The following TBC1D30 variants were observed in gnomAD, a reference collection of about 807,000 sequenced individuals.
TBC1D30 encodes TBC1 domain family, member 30.
TBC1D30 carries 31 observed loss-of-function variants against 63.2 expected under a neutral mutation model. The ratio of observed to expected loss-of-function variants is 0.49; its 90% CI spans 0.37 to 0.66. The LOEUF (loss-of-function observed/expected upper bound fraction) is 0.66. TBC1D30 is among the 30% of genes least tolerant of loss of function. The probability of loss-of-function intolerance (pLI) is 0.00; values close to 1 mark genes in which losing one functional copy is unlikely to be tolerated. For synonymous variants in TBC1D30, 307 were observed against 361.5 expected (o/e 0.85, Z 1.71); for missense variants, 810 against 953.6 (o/e 0.85, Z 1.98).
Position 64,787,814 on chromosome 12 carries a change from TC to T in TBC1D30, c.643+1770del, listed in dbSNP as rs1226886111. On this transcript the variant is annotated intron_variant, in intron 2 of 12. Transcript: ENST00000542120. ...ACTTTGGGAGGCCAAGGTGGGCAGATCACCTGAGGTTAGGAGTTCGAGATCA... is the reference window on the plus strand; with the variant it reads ...ACTTTGGGAGGCCAAGGTGGGCAGATACCTGAGGTTAGGAGTTCGAGATCA... Among the ~76,000 whole-genome samples, 21 of 152,348 alleles carry T rather than the reference TC, an allele frequency of 1.4e-4. No individual in the cohort carries two copies. In the East Asian group the frequency reaches 3.9e-3, roughly 28 times the overall value.
In TBC1D30 at chr12:64,845,191, C is replaced by T. The variant is rs1876254929; in HGVS notation, c.1038+1706C>T. ...AATTTTAGTTTTTTTTGAGGAACCT[C>T]CAACCTGTTTTCCATAGTGGTTGTA... On this transcript the variant is annotated intron_variant, in intron 8 of 11. Coordinates refer to ENST00000539867, the MANE Select transcript of TBC1D30 (RefSeq NM_015279.2). Among the ~76,000 whole-genome samples the T allele has an allele frequency of 2.0e-5, 3 of 152,168 alleles. No individual in the cohort carries two copies. In the East Asian group the frequency reaches 5.8e-4, roughly 29 times the overall value.
Position 64,880,041 on chromosome 12 carries a change from A to G in TBC1D30, c.*4253A>G, listed in dbSNP as rs958995333. 3.2e-4 allele frequency: 49 copies of G among 152,232 alleles called. No homozygotes were observed. Among genetic ancestry groups the G allele is most frequent in the African/African-American group, 9.6e-4 (40 of 41,452 alleles). 9.4% of individuals were successfully genotyped at this position (152,232 alleles called of 1,614,324 possible). A position where few individuals can be genotyped will look rare whatever the true frequency, so the allele number is the denominator to read the frequency against. ...GGATGAATTATGATTCATCCCCAGGATGGAAATGTGAAGGCCGGTGAGTAT... is the reference window on the plus strand; with the variant it reads ...GGATGAATTATGATTCATCCCCAGGGTGGAAATGTGAAGGCCGGTGAGTAT... On this transcript the variant is annotated 3_prime_UTR_variant, in exon 12 of 12. Coordinates refer to ENST00000539867, the MANE Select transcript of TBC1D30 (RefSeq NM_015279.2).
intron 8 of TBC1D30, among the ~76,000 whole-genome samples, chr12:64,854,580 C>T (rs145932122): frequency 5.9e-5 from 9 of 151,564 alleles, no homozygotes; most frequent in African/African-American, 1.2e-4. Context: ...CTGCAAGCTC[C>T]GTCTCCCAGG....
At chr12:64,862,747 A>C (rs1877896165) in intron 8 of TBC1D30, among the ~76,000 whole-genome samples, 1 of 152,232 alleles carries the variant, frequency 6.6e-6, no homozygotes, top group Admixed American at 6.5e-5. Flanking sequence ...CATCTTTTAA[A>C]GTTGAATCCA....
chr12:64,873,180 C>T (rs73121494), intron 11 of TBC1D30, among the ~76,000 whole-genome samples: 1,970 of 152,116 alleles, frequency 0.013, 20 homozygotes, highest in Non-Finnish European at 0.022. Flanking sequence ...TATCAGCTTC[C>T]GAAGTTAGGG....
chr12:64,864,010 T>C lies in TBC1D30; in HGVS notation c.1039-658T>C, dbSNP rs1878004035. Among the ~76,000 whole-genome samples, 3 of 152,212 alleles carry C rather than the reference T, an allele frequency of 2.0e-5. No homozygotes were observed. In the East Asian group the frequency reaches 5.8e-4, roughly 29 times the overall value. ...CTTTTATTGCTGATAGAATGATACATAATTTTGAAATTCTGGTGGAAGCAC... is the reference window on the plus strand; with the variant it reads ...CTTTTATTGCTGATAGAATGATACACAATTTTGAAATTCTGGTGGAAGCAC... On this transcript the variant is annotated intron_variant, in intron 8 of 11. Transcript: ENST00000539867.
intron 2 of TBC1D30, among the ~76,000 whole-genome samples, chr12:64,791,957 T>C (rs954452460): frequency 1.3e-5 from 2 of 152,156 alleles, no homozygotes; most frequent in Non-Finnish European, 2.9e-5. Context: ...CTGTTTCTTC[T>C]TGTGTCATCC....
intron 1 of TBC1D30, among the ~76,000 whole-genome samples, chr12:64,764,401 A>C (rs1170139210): frequency 6.6e-6 from 1 of 152,208 alleles, no homozygotes; most frequent in African/African-American, 2.4e-5. Context: ...ACTTTTCATC[A>C]TGACCTCTGA....
chr12:64,829,795 A>G (rs1874679786), intron 3 of TBC1D30, among the ~76,000 whole-genome samples: 1 of 152,390 alleles, frequency 6.6e-6, no homozygotes, highest in Admixed American at 6.5e-5. Flanking sequence ...TGAAAATGAC[A>G]TTATGAAATA....
chr12:64,851,589 T>C (rs577178161), intron 8 of TBC1D30, among the ~76,000 whole-genome samples: 1 of 152,346 alleles, frequency 6.6e-6, no homozygotes, highest in East Asian at 1.9e-4. Flanking sequence ...GTTATTTTGC[T>C]CATTAGGTGA....
intron 1 of TBC1D30, among the ~76,000 whole-genome samples, chr12:64,773,188 C>A (rs1355506955): frequency 6.6e-6 from 1 of 152,244 alleles, no homozygotes; most frequent in Admixed American, 6.5e-5. Flanking sequence ...AGGGATCCCC[C>A]AGCACAGCAC....
intron 8 of TBC1D30, among the ~76,000 whole-genome samples, chr12:64,848,370 C>T (rs1876574358): frequency 6.6e-6 from 1 of 151,714 alleles, no homozygotes; most frequent in Non-Finnish European, 1.5e-5. Flanking sequence ...GGTTTGTGGC[C>T]CCCATCAACC....
chr12:64,797,931 T>C (rs1051198638), intron 2 of TBC1D30, among the ~76,000 whole-genome samples: 1 of 152,204 alleles, frequency 6.6e-6, no homozygotes, highest in Non-Finnish European at 1.5e-5. Flanking sequence ...TAGAAGCATG[T>C]CATTTTATCC....
chr12:64,867,378 T>G (rs1436886616), intron 10 of TBC1D30, among the ~76,000 whole-genome samples: 1 of 151,708 alleles, frequency 6.6e-6, no homozygotes, highest in African/African-American at 2.4e-5. Context: ...GAGAATCGCT[T>G]GAACCCAGGA....
At chr12:64,784,746 T>C (rs1871462687) in intron 1 of TBC1D30, among the ~76,000 whole-genome samples, 1 of 152,062 alleles carries the variant, frequency 6.6e-6, no homozygotes, top group Non-Finnish European at 1.5e-5. Context: ...AAATACCTAA[T>C]GCATGTGGGG....
intron 2 of TBC1D30, among the ~76,000 whole-genome samples, chr12:64,807,615 G>C (rs1369512522): frequency 6.6e-6 from 1 of 152,156 alleles, no homozygotes; most frequent in African/African-American, 2.4e-5. Context: ...TCAACTCCCT[G>C]TCCTGTGGTT....
chr12:64,877,821 C>A lies in TBC1D30; in HGVS notation c.*2033C>A. ...CCCTTCTCAAATGAGTCAGAATAGT[C>A]ATGTTCCCCTTGAGGGATGTCTGAC... On this transcript the variant is annotated 3_prime_UTR_variant, in exon 12 of 12. Transcript: ENST00000539867. 6.6e-6 allele frequency: 1 copy of A among 152,592 alleles called. No individual in the cohort carries two copies. Among genetic ancestry groups the A allele is most frequent in the Non-Finnish European group, 1.5e-5 (1 of 68,228 alleles). The allele number at this position is 152,592 out of a possible 1,614,324, so 9.5% of individuals were successfully genotyped here.
chr12:64,865,069 A>C (rs1878104470), intron 9 of TBC1D30, among the ~76,000 whole-genome samples: 1 of 152,020 alleles, frequency 6.6e-6, no homozygotes, highest in Admixed American at 6.6e-5. Context: ...TGGAACCTGT[A>C]TACAAGTACA....
intron 7 of TBC1D30, 85 bp from the exon 8 acceptor site, chr12:64,843,295 C>A: frequency 8.2e-7 from 1 of 1,225,866 alleles, no homozygotes; most frequent in Non-Finnish European, 1.1e-6. Context: ...ATGCCCAGTC[C>A]AACATATCTT....
Sources: gnomAD v4.1 joint callset for allele counts (sites outside exome capture counted in the v4.1 genomes callset) on GRCh38, gnomAD v4.1.1 for gene constraint, MANE v1.5 for transcripts, NCBI Gene and HGNC (gene_info 2026-07-23, HGNC 2026-07-21) for gene names.